Variants in NLGN4X observed in about 807,000 individuals in gnomAD.
NLGN4X encodes neuroligin 4 X-linked.
In NLGN4X, 3 loss-of-function variants were observed where a neutral mutation model predicts 40.3. The observed-to-expected ratio is 0.07, with a 90% CI of 0.03 to 0.19. NLGN4X has a LOEUF of 0.19. NLGN4X is among the 10% of genes least tolerant of loss of function. NLGN4X has a pLI of 1.00. For synonymous variants in NLGN4X, 270 were observed against 306.8 expected (o/e 0.88, Z 1.25); for missense variants, 382 against 708.3 (o/e 0.54, Z 5.23).
chrX:5,906,101 G>C (rs1319815208), intron 4 of NLGN4X, among the ~76,000 whole-genome samples: 10 of 112,179 alleles, frequency 8.9e-5, no homozygotes, highest in Admixed American at 4.7e-4. Context: ...TGGCTTACAT[G>C]TGTTTGATTA....
At position 6,151,286 on chromosome X, in the gene NLGN4X, G is replaced by A. The variant is rs764554652; in HGVS notation, c.181C>T (p.Pro61Ser). Residue 61 changes from proline to serine, a missense_variant, in exon 2 of 6, where the codon CCG becomes TCG. Physicochemically the swap from Pro to Ser is moderately conservative, Grantham distance 74. Around this residue, in one of 5 missense-constraint regions of NLGN4X, gnomAD observed 115 missense variants for 149.6 expected, o/e 0.77. Transcript: ENST00000381095. ...GGACCCAAGATCTCATTGGGTAACGGTGTTCTTAGGCCCCGGATTTTGCCA... is the reference window on the plus strand; with the variant it reads ...GGACCCAAGATCTCATTGGGTAACGATGTTCTTAGGCCCCGGATTTTGCCA... ...NYGKIRGLRT[P>S]LPNEILGPVE... is the part of the protein sequence containing the mutation. 1 of 1,211,885 alleles carries A rather than the reference G, an allele frequency of 8.3e-7. No homozygotes were observed. The highest frequency in any genetic ancestry group is 1.8e-5 in the South Asian group (1 of 56,998).
At chrX:6,042,730 T>TACATACAC (rs1555956846) in intron 2 of NLGN4X, among the ~76,000 whole-genome samples, 3 of 20,149 alleles carry the variant, frequency 1.5e-4, no homozygotes, top group Non-Finnish European at 2.7e-4. Flanking sequence ...TATATATATA[T>TACATACAC]ACACACACAC....
In NLGN4X at chrX:5,931,183, AT is replaced by A. The variant is rs772062825; in HGVS notation, c.626-21945del. ...AGCTCATACAAGTCTTTGGTTAAAA[AT>A]TCATATTGCAATAAAAAATACTCAA... On this transcript the variant is annotated intron_variant, in intron 3 of 5. Transcript: ENST00000381095. 6.2e-5 allele frequency among the ~76,000 whole-genome samples: 7 copies of A among 112,329 alleles called. No individual in the cohort carries two copies. The South Asian group carries it at 2.6e-3, about 42-fold the overall frequency.
chrX:6,224,233 A>G (rs1925951809), intron 1 of NLGN4X, among the ~76,000 whole-genome samples: 1 of 113,008 alleles, frequency 8.8e-6, no homozygotes, highest in South Asian at 3.6e-4. Flanking sequence ...CAACAGTATT[A>G]CAAAAGGTTT....
intron 1 of NLGN4X, among the ~76,000 whole-genome samples, chrX:6,225,002 A>AT (rs1556015446): frequency 5.4e-5 from 3 of 55,821 alleles, no homozygotes; most frequent in African/African-American, 2.1e-4. Flanking sequence ...ATATATATAT[A>AT]TATATATATA....
intron 1 of NLGN4X, among the ~76,000 whole-genome samples, chrX:6,188,303 G>A (rs1922255902): frequency 8.9e-6 from 1 of 111,911 alleles, no homozygotes; most frequent in East Asian, 2.8e-4. Context: ...CCGAGAAGAC[G>A]AAATACTCTG....
chrX:6,116,373 G>A (rs187185393), intron 2 of NLGN4X, among the ~76,000 whole-genome samples: 152 of 87,948 alleles, frequency 1.7e-3, no homozygotes, highest in African/African-American at 5.9e-3. Flanking sequence ...TCAACAAGTA[G>A]GTATTGAACC....
At chrX:6,148,491 T>C (rs750811968) in intron 2 of NLGN4X, among the ~76,000 whole-genome samples, 1 of 111,700 alleles carries the variant, frequency 9.0e-6, no homozygotes, top group Non-Finnish European at 1.9e-5. Context: ...TAATTAAACA[T>C]CTAAAGCTCT....
chrX:6,064,905 A>G (rs958311312), intron 2 of NLGN4X, among the ~76,000 whole-genome samples: 1 of 111,508 alleles, frequency 9.0e-6, no homozygotes, highest in Admixed American at 9.6e-5. Flanking sequence ...AATGTGGTGT[A>G]ATATACATCA....
At chrX:5,900,074 G>A (rs906379397) in intron 5 of NLGN4X, among the ~76,000 whole-genome samples, 1 of 112,275 alleles carries the variant, frequency 8.9e-6, no homozygotes, top group African/African-American at 3.2e-5. Context: ...GGCAGACACC[G>A]CCTATCTCAG....
intron 3 of NLGN4X, among the ~76,000 whole-genome samples, chrX:5,952,919 C>T (rs181839816): frequency 8.9e-6 from 1 of 112,079 alleles, no homozygotes; most frequent in African/African-American, 3.2e-5. Context: ...ATGTAACTTT[C>T]TCTGCTTATA....
rs770616050 is a variant in NLGN4X, at chrX:6,210,235, C to T, written c.-306+18306G>A. On this transcript the variant is annotated intron_variant, in intron 1 of 5. Coordinates refer to ENST00000381095, the MANE Select transcript of NLGN4X (RefSeq NM_181332.3). Reference sequence around the variant, plus strand: ...AGTTGATTCTTTGTGCGTGCGTGTGCGCCCGTTTGTGTGTGTGTGTGTGTG... The same window carrying T: ...AGTTGATTCTTTGTGCGTGCGTGTGTGCCCGTTTGTGTGTGTGTGTGTGTG... 2.2e-3 allele frequency among the ~76,000 whole-genome samples: 200 copies of T among 89,591 alleles called. 1 individual carries two copies. Among genetic ancestry groups the T allele is most frequent in the African/African-American group, 9.3e-3 (189 of 20,221 alleles). 77.8% of individuals were successfully genotyped at this position (89,591 alleles called of 115,157 possible). A position where few individuals can be genotyped will look rare whatever the true frequency, so the allele number is the denominator to read the frequency against.
intron 3 of NLGN4X, among the ~76,000 whole-genome samples, chrX:5,974,539 T>C (rs780323766): frequency 8.0e-5 from 9 of 111,906 alleles, no homozygotes; most frequent in African/African-American, 2.6e-4. Context: ...TTCTGCAGAA[T>C]AGAATGGATC....
chrX:5,925,919 TATATATATATATAA>T, intron 3 of NLGN4X, among the ~76,000 whole-genome samples: 1 of 49,869 alleles, frequency 2.0e-5, no homozygotes, highest in East Asian at 7.3e-4. Flanking sequence ...TATATATATA[TATATATATATATAA>T]ACCTGCGAAG....
intron 2 of NLGN4X, among the ~76,000 whole-genome samples, chrX:6,068,548 G>T (rs1391334449): frequency 8.9e-6 from 1 of 111,824 alleles, no homozygotes; most frequent in Non-Finnish European, 1.9e-5. Flanking sequence ...TCTTCTATAT[G>T]TCAAATCTCA....
intron 2 of NLGN4X, among the ~76,000 whole-genome samples, chrX:6,080,461 C>T (rs1370130645): frequency 9.0e-6 from 1 of 111,697 alleles, no homozygotes; most frequent in Non-Finnish European, 1.9e-5. Flanking sequence ...TTGGGGGTCC[C>T]CTGGGAGTCC....
intron 3 of NLGN4X, among the ~76,000 whole-genome samples, chrX:5,960,239 T>C (rs1342276747): frequency 6.7e-5 from 6 of 89,910 alleles, no homozygotes; most frequent in Non-Finnish European, 8.7e-5. Flanking sequence ...AGTAGTATAA[T>C]TAATATGATG....
chrX:6,036,256 A>C (rs990425286), intron 2 of NLGN4X, among the ~76,000 whole-genome samples: 2 of 111,272 alleles, frequency 1.8e-5, no homozygotes, highest in Non-Finnish European at 3.8e-5. Flanking sequence ...AACTTTCCAA[A>C]TCAGCTTGTT....
rs941734311 is a variant in NLGN4X at position 6,079,976 on chromosome X, GCT to G, written c.473-50546_473-50545del. 2.7e-5 allele frequency among the ~76,000 whole-genome samples: 3 copies of G among 110,890 alleles called. No homozygotes were observed. The South Asian group carries it at 1.2e-3, about 43-fold the overall frequency. ...TGGACTCCATCTTCTCTGTGAAAAT[GCT>G]CTCTGTTTCCTGCCATCATCTCTAC... On this transcript the variant is annotated intron_variant, in intron 2 of 5. Transcript: ENST00000381095.
Sources: allele counts gnomAD v4.1 joint callset (sites outside exome capture counted in the v4.1 genomes callset), GRCh38; gene constraint gnomAD v4.1.1; regional missense constraint gnomAD v4.1.1; transcripts MANE v1.5; gene names NCBI Gene and HGNC (gene_info 2026-07-23, HGNC 2026-07-21).